Variants in GIPC2 observed in about 807,000 individuals in gnomAD.
The protein encoded by GIPC2 is PDZ domain-containing protein GIPC2.
In GIPC2, 30 loss-of-function variants were observed where a neutral mutation model predicts 30.6. The observed-to-expected ratio is 0.98, with a 90% CI of 0.73 to 1.33. The LOEUF (loss-of-function observed/expected upper bound fraction) is 1.33. Among genes scored for constraint, GIPC2 ranks in the 40% most tolerant of loss-of-function variants. The pLI is 0.00. For synonymous variants in GIPC2, 167 were observed against 150.0 expected, an observed-to-expected ratio of 1.11 and a Z score of -0.83; for missense variants, 414 against 390.3, an observed-to-expected ratio of 1.06 and a Z score of -0.51.
chr1:78,107,464 T>C (rs2100404187), intron 3 of GIPC2, among the ~76,000 whole-genome samples: 1 of 152,232 alleles, frequency 6.6e-6, no homozygotes, highest in South Asian at 2.1e-4. Flanking sequence ...TCTTTAGGCT[T>C]ATATTTTCCA....
rs377721376 is a variant in GIPC2, at chr1:78,119,841, C to T, written c.714+342C>T. Among the ~76,000 whole-genome samples the T allele has an allele frequency of 3.3e-4, 50 of 152,262 alleles. No homozygotes were observed. The South Asian group carries it at 9.3e-3, about 28-fold the overall frequency. Reference sequence around the variant, plus strand: ...GATATTGATAATGAAAGATTATATTCGTAAACTCCTCTTCTCACATAAAAC... The same window carrying T: ...GATATTGATAATGAAAGATTATATTTGTAAACTCCTCTTCTCACATAAAAC... On this transcript the variant is annotated intron_variant, in intron 4 of 5. Coordinates refer to ENST00000370759, the MANE Select transcript of GIPC2 (RefSeq NM_017655.6).
At chr1:78,108,123 A>G (rs990612951) in intron 3 of GIPC2, among the ~76,000 whole-genome samples, 3 of 152,222 alleles carry the variant, frequency 2.0e-5, no homozygotes, top group Non-Finnish European at 4.4e-5. Flanking sequence ...TTGAATTCCC[A>G]TGATAAAATC....
intron 1 of GIPC2, among the ~76,000 whole-genome samples, chr1:78,059,555 C>G (rs1158454641): frequency 6.6e-6 from 1 of 152,128 alleles, no homozygotes; most frequent in Non-Finnish European, 1.5e-5. Flanking sequence ...CCAGCCTGGG[C>G]AACATGGTGA....
At chr1:78,128,848 C>CA (rs1464799999) in intron 5 of GIPC2, among the ~76,000 whole-genome samples, 1 of 151,156 alleles carries the variant, frequency 6.6e-6, no homozygotes, top group Non-Finnish European at 1.5e-5. Context: ...CAAAACAAAA[C>CA]AAAAAAATTA....
intron 5 of GIPC2, among the ~76,000 whole-genome samples, chr1:78,127,758 T>C (rs1238199101): frequency 6.6e-6 from 1 of 152,186 alleles, no homozygotes; most frequent in East Asian, 1.9e-4. Context: ...GGCACAATCA[T>C]AGCTCACTGC....
At position 78,066,938 on chromosome 1, in the gene GIPC2, G is replaced by C. The variant is rs147908918; in HGVS notation, c.241-13737G>C. Among the ~76,000 whole-genome samples the C allele has an allele frequency of 5.3e-5, 8 of 152,204 alleles. No individual in the cohort carries two copies. The East Asian group carries it at 1.5e-3, about 29-fold the overall frequency. ...AGGGAGAATAACTAGTGGGTACTAG[G>C]CTTAATACCTGGGTGATGAAATAAT... is the stretch of plus-strand genomic sequence containing the variant. On this transcript the variant is annotated intron_variant, in intron 1 of 5. Coordinates refer to ENST00000370759, the MANE Select transcript of GIPC2 (RefSeq NM_017655.6).
At chr1:78,100,698 G>A (rs1352169312) in intron 3 of GIPC2, among the ~76,000 whole-genome samples, 1 of 152,170 alleles carries the variant, frequency 6.6e-6, no homozygotes. Flanking sequence ...GGGAGGTTGA[G>A]GAGGGAGGGT....
intron 5 of GIPC2, among the ~76,000 whole-genome samples, chr1:78,131,600 G>A (rs544861370): frequency 1.5e-4 from 23 of 152,056 alleles, no homozygotes; most frequent in Non-Finnish European, 3.2e-4. Flanking sequence ...TTAATATGCT[G>A]TACCTTTATA....
chr1:78,068,348 A>T (rs1661559302), intron 1 of GIPC2, among the ~76,000 whole-genome samples: 1 of 152,192 alleles, frequency 6.6e-6, no homozygotes, highest in African/African-American at 2.4e-5. Flanking sequence ...ATTTTCTCCC[A>T]AGAAGCCCAG....
chr1:78,075,157 T>C (rs1661693636), intron 1 of GIPC2, among the ~76,000 whole-genome samples: 1 of 152,198 alleles, frequency 6.6e-6, no homozygotes. Context: ...ACTTAACTTA[T>C]TATTTTACAT....
rs1003821016 is a variant in GIPC2 at position 78,137,609 on chromosome 1, A to G, written c.*1866A>G. ...GATATCCATGTACAGCTGTAACTAT[A>G]TATACTTGTCTGTTAGCATTCAGTG... On this transcript the variant is annotated 3_prime_UTR_variant, in exon 6 of 6. Transcript: ENST00000370759. 6.6e-6 allele frequency: 1 copy of G among 152,122 alleles called. No homozygotes were observed. Among genetic ancestry groups the G allele is most frequent in the African/African-American group, 2.4e-5 (1 of 41,416 alleles). 9.4% of individuals were successfully genotyped at this position (152,122 alleles called of 1,614,324 possible). A position where few individuals can be genotyped will look rare whatever the true frequency, so the allele number is the denominator to read the frequency against.
At chr1:78,053,063 CAAAAAA>C (rs1661223503) in intron 1 of GIPC2, among the ~76,000 whole-genome samples, 3 of 152,008 alleles carry the variant, frequency 2.0e-5, no homozygotes, top group Admixed American at 6.6e-5. Context: ...CAAAAATCTA[CAAAAAA>C]TGAAAGAATT....
At chr1:78,097,370 T>C (rs901738392) in intron 3 of GIPC2, among the ~76,000 whole-genome samples, 1 of 152,202 alleles carries the variant, frequency 6.6e-6, no homozygotes, top group South Asian at 2.1e-4. Flanking sequence ...ACCTTGGCTG[T>C]AGCTAAGTCA....
chr1:78,104,566 AG>A (rs1662308961), intron 3 of GIPC2, among the ~76,000 whole-genome samples: 1 of 152,176 alleles, frequency 6.6e-6, no homozygotes, highest in African/African-American at 2.4e-5. Context: ...GACTGGGATT[AG>A]GGGCAGCAGT....
intron 3 of GIPC2, among the ~76,000 whole-genome samples, chr1:78,099,226 A>G (rs1185816370): frequency 1.3e-5 from 2 of 152,110 alleles, no homozygotes; most frequent in Non-Finnish European, 2.9e-5. Context: ...TTGAAAGCCT[A>G]CTGTATACCA....
In GIPC2 at chr1:78,135,733, G is replaced by C. The variant is rs1203684225; in HGVS notation, c.938G>C (p.Arg313Thr). Residue 313 changes from arginine to threonine, a missense_variant, in exon 6 of 6, where the codon AGA becomes ACA. Coordinates refer to ENST00000370759, the MANE Select transcript of GIPC2 (RefSeq NM_017655.6). ...VWGVIGDAKR[R>T]GL ...GGAGTCATTGGTGATGCCAAACGAA[G>C]AGGATTATGATGTGTACACTCCATC... 6.2e-7 allele frequency: 1 copy of C among 1,613,606 alleles called. No individual in the cohort carries two copies. The highest frequency in any genetic ancestry group is 2.2e-5 in the East Asian group (1 of 44,864).
chr1:78,075,670 T>C (rs1661705188), intron 1 of GIPC2, among the ~76,000 whole-genome samples: 1 of 152,198 alleles, frequency 6.6e-6, no homozygotes, highest in Non-Finnish European at 1.5e-5. Context: ...CTGTGTTTCT[T>C]TATTAGGCGT....
chr1:78,045,728 T>C (rs1557522343), upstream of GIPC2: 8 of 985,342 alleles, frequency 8.1e-6, no homozygotes, highest in South Asian at 2.3e-4. Context: ...TACAGATTTA[T>C]GAAAAGCAGA....
intron 3 of GIPC2, among the ~76,000 whole-genome samples, chr1:78,097,723 A>T (rs1662164112): frequency 6.6e-6 from 1 of 152,244 alleles, no homozygotes; most frequent in Non-Finnish European, 1.5e-5. Context: ...GGCATTTATT[A>T]GAGACTACCA....
Sources: allele counts gnomAD v4.1 joint callset (sites outside exome capture counted in the v4.1 genomes callset), GRCh38; gene constraint gnomAD v4.1.1; transcripts MANE v1.5; gene names NCBI Gene and HGNC (gene_info 2026-07-23, HGNC 2026-07-21).